Variants in TRAPPC8 observed in about 807,000 individuals in gnomAD.
TRAPPC8 encodes trafficking protein particle complex subunit 8, also known as general sporulation gene 1 homolog.
Under a neutral mutation model 174.3 loss-of-function variants are expected in TRAPPC8, and 54 were observed. The observed-to-expected ratio is 0.31, with a 90% CI of 0.25 to 0.39. The LOEUF is 0.39. Among genes scored for constraint, TRAPPC8 ranks in the 10% least tolerant of loss-of-function variants. TRAPPC8 has a pLI of 1.00. For synonymous variants in TRAPPC8, 630 were observed against 579.9 expected (o/e 1.09, Z -1.24); for missense variants, 1,531 against 1,699.1 (o/e 0.90, Z 1.74).
At chr18:31,871,664 T>A (rs2034869732) in intron 14 of TRAPPC8, among the ~76,000 whole-genome samples, 1 of 152,190 alleles carries the variant, frequency 6.6e-6, no homozygotes. Flanking sequence ...TTTTTATGTT[T>A]GAAACTTATA....
chr18:31,841,397 A>G (rs1439439876), intron 26 of TRAPPC8, among the ~76,000 whole-genome samples: 1 of 152,190 alleles, frequency 6.6e-6, no homozygotes, highest in African/African-American at 2.4e-5. Context: ...AAACCAGAGT[A>G]TATGAAAGAG....
chr18:31,860,371 T>C (rs539950888), intron 19 of TRAPPC8, among the ~76,000 whole-genome samples: 4 of 148,856 alleles, frequency 2.7e-5, no homozygotes, highest in African/African-American at 9.8e-5. Context: ...ACAATTGTAT[T>C]AAAAAAAAAA....
intron 12 of TRAPPC8, among the ~76,000 whole-genome samples, chr18:31,884,744 TG>T (rs1255741408): frequency 2.0e-5 from 3 of 152,120 alleles, no homozygotes; most frequent in African/African-American, 7.2e-5. Context: ...TTGTAGCTCA[TG>T]GCTGCAATCC....
At chr18:31,935,605 A>T (rs2038063290) in intron 1 of TRAPPC8, among the ~76,000 whole-genome samples, 1 of 148,294 alleles carries the variant, frequency 6.7e-6, no homozygotes, top group Non-Finnish European at 1.5e-5. Flanking sequence ...TATAGGCTTG[A>T]GCCACTGGAC....
In TRAPPC8 at chr18:31,942,345, T is replaced by C. The variant is rs1483633131; in HGVS notation, c.157+263A>G. Among the ~76,000 whole-genome samples, 10 of 152,276 alleles carry C rather than the reference T, an allele frequency of 6.6e-5. No homozygotes were observed. In the South Asian group the frequency reaches 8.3e-4, roughly 13 times the overall value. On this transcript the variant is annotated intron_variant, in intron 1 of 28. Transcript: ENST00000283351. ...CGTTCTCGAAGACTCACGTTTATCTTTGCACCAATTACTTAACGACCTAGG... is the reference window on the plus strand; with the variant it reads ...CGTTCTCGAAGACTCACGTTTATCTCTGCACCAATTACTTAACGACCTAGG...
chr18:31,923,420 C>G (rs942953098), intron 2 of TRAPPC8, among the ~76,000 whole-genome samples: 1 of 152,158 alleles, frequency 6.6e-6, no homozygotes, highest in African/African-American at 2.4e-5. Flanking sequence ...CAAGGAATAG[C>G]AGCTTTAAAT....
At chr18:31,907,226 T>C (rs1480593551) in intron 9 of TRAPPC8, among the ~76,000 whole-genome samples, 2 of 152,184 alleles carry the variant, frequency 1.3e-5, no homozygotes, top group South Asian at 4.1e-4. Flanking sequence ...CAAGCAATTC[T>C]ACTGCCTCAG....
At chr18:31,938,507 CTT>C (rs1372154360) in intron 1 of TRAPPC8, among the ~76,000 whole-genome samples, 1 of 152,090 alleles carries the variant, frequency 6.6e-6, no homozygotes, top group Non-Finnish European at 1.5e-5. Flanking sequence ...ACTCAAATCT[CTT>C]CTACCAACCC....
chr18:31,873,030 T>G (rs2034956055), intron 14 of TRAPPC8, among the ~76,000 whole-genome samples: 1 of 143,746 alleles, frequency 7.0e-6, no homozygotes, highest in South Asian at 2.3e-4. Flanking sequence ...TTTTTTTTTT[T>G]TTTTTGAGAC....
chr18:31,879,750 TTTTAA>T (rs1332198059), intron 12 of TRAPPC8, among the ~76,000 whole-genome samples: 17 of 151,852 alleles, frequency 1.1e-4, no homozygotes, highest in Admixed American at 3.9e-4. Flanking sequence ...GAAGAGATGA[TTTTAA>T]TAAGCACAAT....
chr18:31,932,501 T>TC (rs920195911), intron 1 of TRAPPC8, among the ~76,000 whole-genome samples: 12 of 151,936 alleles, frequency 7.9e-5, no homozygotes, highest in African/African-American at 2.9e-4. Flanking sequence ...ACTTCCTGCC[T>TC]CCACCGTCCT....
At chr18:31,912,487 T>C (rs1047866718) in intron 5 of TRAPPC8, among the ~76,000 whole-genome samples, 37 of 142,518 alleles carry the variant, frequency 2.6e-4, no homozygotes, top group African/African-American at 8.3e-4. Flanking sequence ...GCGAGACTCT[T>C]TGTCTCCAAA....
chr18:31,890,693 AAAAT>A, intron 12 of TRAPPC8, 38 bp downstream of exon 12: 1 of 1,571,806 alleles, frequency 6.4e-7, no homozygotes, highest in East Asian at 2.3e-5. Flanking sequence ...ACACATTTAT[AAAAT>A]AAATAGCAAC....
intron 20 of TRAPPC8, 53 bp downstream of exon 20, chr18:31,857,487 G>A: frequency 7.3e-7 from 1 of 1,376,206 alleles, no homozygotes; most frequent in East Asian, 2.4e-5. Context: ...ATCTGAATAT[G>A]TGCATATACA....
At chr18:31,873,023 T>TG (rs1478853304) in intron 14 of TRAPPC8, among the ~76,000 whole-genome samples, 27 of 139,824 alleles carry the variant, frequency 1.9e-4, no homozygotes, top group African/African-American at 6.4e-4. Context: ...TTTTTTTTTT[T>TG]TTTTTTTTTT....
chr18:31,907,862 GTAAATGGT>G (rs1243345842), intron 8 of TRAPPC8, among the ~76,000 whole-genome samples: 1 of 152,182 alleles, frequency 6.6e-6, no homozygotes, highest in African/African-American at 2.4e-5. Flanking sequence ...AAATAATGAA[GTAAATGGT>G]TAATTCCAAG....
chr18:31,883,545 T>C (rs1381260724), intron 12 of TRAPPC8: 1 of 152,696 alleles, frequency 6.5e-6, no homozygotes, highest in African/African-American at 2.4e-5. Context: ...TTCATGGGGA[T>C]AGCTTTCCTC....
intron 18 of TRAPPC8, 52 bp from the exon 19 acceptor site, chr18:31,864,833 A>G: frequency 6.7e-7 from 1 of 1,484,346 alleles, no homozygotes; most frequent in Non-Finnish European, 9.1e-7. Context: ...GTTAACTGAC[A>G]TCAATTTAAC....
At chr18:31,884,894 C>T (rs1421502952) in intron 12 of TRAPPC8, among the ~76,000 whole-genome samples, 2 of 150,128 alleles carry the variant, frequency 1.3e-5, no homozygotes, top group African/African-American at 4.9e-5. Context: ...CACTGTGTAG[C>T]CCAGGCTGGA....
Sources: allele counts gnomAD v4.1 joint callset (sites outside exome capture counted in the v4.1 genomes callset), GRCh38; gene constraint gnomAD v4.1.1; transcripts MANE v1.5; gene names NCBI Gene and HGNC (gene_info 2026-07-23, HGNC 2026-07-21).